ZBTB20: variants seen among roughly 807,000 people sequenced by gnomAD.
The protein encoded by ZBTB20 is zinc finger and BTB domain-containing protein 20.
In ZBTB20, 9 loss-of-function variants were observed where a neutral mutation model predicts 56.9. The ratio of observed to expected loss-of-function variants is 0.16; its 90% CI spans 0.10 to 0.28. The LOEUF is 0.28. Ranked by LOEUF, ZBTB20 falls within the 10% of genes least tolerant of loss-of-function variation. The pLI is 1.00. For synonymous variants in ZBTB20, 417 were observed against 420.7 expected (o/e 0.99, Z 0.11); for missense variants, 655 against 1,003.0 (o/e 0.65, Z 4.69).
At chr3:114,775,459 T>C (rs1255578537) in intron 5 of ZBTB20, among the ~76,000 whole-genome samples, 2 of 151,994 alleles carry the variant, frequency 1.3e-5, no homozygotes, top group African/African-American at 4.8e-5. Flanking sequence ...AAATGACTTC[T>C]GTTGCCTTAT....
chr3:114,698,748 G>A (rs976382440), intron 5 of ZBTB20, among the ~76,000 whole-genome samples: 10 of 152,150 alleles, frequency 6.6e-5, no homozygotes, highest in African/African-American at 2.2e-4. Flanking sequence ...TAGTCATCCA[G>A]TTGTCTTCTC....
chr3:114,928,723 T>C (rs1285550372), intron 3 of ZBTB20, among the ~76,000 whole-genome samples: 1 of 152,200 alleles, frequency 6.6e-6, no homozygotes, highest in Non-Finnish European at 1.5e-5. Context: ...TTGTGAATGG[T>C]AGGTTAAAAG....
rs1047844111 is a variant in ZBTB20 at position 114,328,126 on chromosome 3, T to C, written c.*10879A>G. The C allele has an allele frequency of 6.6e-6, 1 of 152,342 alleles. No individual in the cohort carries two copies. 9.4% of individuals were successfully genotyped at this position (152,342 alleles called of 1,614,324 possible). The stretch of plus-strand genomic sequence containing the variant: ...TTTATTTAAGTATATATTAAGTTTA[T>C]GTTTAGGCAATCTCTGGTTGCAAAA... On this transcript the variant is annotated 3_prime_UTR_variant, in exon 12 of 12. Transcript: ENST00000675478.
chr3:114,376,977 G>A (rs537662900), intron 10 of ZBTB20, among the ~76,000 whole-genome samples: 11 of 152,216 alleles, frequency 7.2e-5, no homozygotes, highest in Non-Finnish European at 1.3e-4. Flanking sequence ...TCTATCACAT[G>A]TATATGACTG....
chr3:114,889,025 G>C (rs1031654704), intron 4 of ZBTB20, among the ~76,000 whole-genome samples: 3 of 151,874 alleles, frequency 2.0e-5, no homozygotes, highest in African/African-American at 7.3e-5. Flanking sequence ...ATGAAATGTA[G>C]TGTAAAAAGT....
intron 7 of ZBTB20, among the ~76,000 whole-genome samples, chr3:114,483,924 C>T (rs1440649930): frequency 6.6e-6 from 1 of 151,510 alleles, no homozygotes; most frequent in African/African-American, 2.4e-5. Flanking sequence ...GTTCAAAGGA[C>T]CTTCTTAGTA....
intron 10 of ZBTB20, chr3:114,366,628 A>G (rs2082428846): frequency 6.6e-6 from 1 of 152,370 alleles, no homozygotes; most frequent in African/African-American, 2.4e-5. Context: ...CTTTCAATCT[A>G]ATCTGCAACT....
rs138681209 is a variant in ZBTB20, at chr3:114,738,193, T to C, written c.-342-44618A>G. 7.3e-3 allele frequency among the ~76,000 whole-genome samples: 1,112 copies of C among 152,186 alleles called. 5 individuals carry two copies. The highest frequency in any genetic ancestry group is 0.01 in the Non-Finnish European group (707 of 67,954). On this transcript the variant is annotated intron_variant, in intron 5 of 11. Transcript: ENST00000675478. The stretch of plus-strand genomic sequence containing the variant: ...TTCATCAAATTTGATATAAATATAC[T>C]AGATATGGTAAATATATTTATCATT...
Position 114,486,138 on chromosome 3 carries a change from G to GTGT in ZBTB20, c.-255+14213_-255+14214insACA, listed in dbSNP as rs1553726951. 2.5e-3 allele frequency among the ~76,000 whole-genome samples: 62 copies of GTGT among 25,294 alleles called. 7 individuals carry two copies. The highest frequency in any genetic ancestry group is 0.021 in the Middle Eastern group (1 of 48). 16.6% of individuals were successfully genotyped at this position (25,294 alleles called of 152,430 possible). On this transcript the variant is annotated intron_variant, in intron 7 of 11. Coordinates refer to ENST00000675478, the MANE Select transcript of ZBTB20 (RefSeq NM_001348800.3). ...AGTAAGAGTGTGTGTGTGTGTGTGT[G>GTGT]GGGGGGGGGGGCGGTGTATGAATTC...
chr3:114,896,221 A>G (rs679706), intron 4 of ZBTB20, among the ~76,000 whole-genome samples: 9,035 of 152,196 alleles, frequency 0.059, 921 homozygotes, highest in African/African-American at 0.21. Context: ...TGGAATTACC[A>G]TACAATCTAG....
At chr3:114,574,446 T>C (rs972205424) in intron 6 of ZBTB20, among the ~76,000 whole-genome samples, 1 of 152,250 alleles carries the variant, frequency 6.6e-6, no homozygotes, top group Non-Finnish European at 1.5e-5. Flanking sequence ...TTACCAGCAC[T>C]GAAAATTACT....
In ZBTB20 at chr3:114,351,496, T is replaced by G. The variant is rs1324504978; in HGVS notation, c.582A>C (p.Ser194=). The change falls in exon 11 of 12, where the codon TCA becomes TCC. Residue 194 remains serine, a synonymous_variant. Coordinates refer to ENST00000675478, the MANE Select transcript of ZBTB20 (RefSeq NM_001348800.3). ...CCGGGAACACATCGCCCACGTTCTG[T>G]GACACGATGCGCGTGCACTCGTCGA... ...TVIDECTRIV[S]QNVGDVFPGI... is the part of the protein sequence containing the mutation. 6.2e-7 allele frequency: 1 copy of G among 1,613,834 alleles called. No individual in the cohort carries two copies. Among genetic ancestry groups the G allele is most frequent in the Non-Finnish European group, 8.5e-7 (1 of 1,180,018 alleles).
intron 7 of ZBTB20, among the ~76,000 whole-genome samples, chr3:114,430,627 A>T (rs1576724758): frequency 6.6e-6 from 1 of 152,318 alleles, no homozygotes; most frequent in African/African-American, 2.4e-5. Flanking sequence ...GATGTAGAAA[A>T]TTCAAATCAC....
chr3:114,611,162 G>T lies in ZBTB20; in HGVS notation c.-295+82366C>A, dbSNP rs138970694. 5.0e-3 allele frequency among the ~76,000 whole-genome samples: 758 copies of T among 152,272 alleles called. 7 individuals carry two copies. The highest frequency in any genetic ancestry group is 0.017 in the African/African-American group (704 of 41,562). On this transcript the variant is annotated intron_variant, in intron 6 of 11. Coordinates refer to ENST00000675478, the MANE Select transcript of ZBTB20 (RefSeq NM_001348800.3). ...TCTCTGCTAGCATATGCTCTGCCCT[G>T]AGGTTTCTTTTTGGTGCTGATTTGG...
intron 4 of ZBTB20, among the ~76,000 whole-genome samples, chr3:114,892,071 G>C (rs1265520436): frequency 6.6e-6 from 1 of 151,948 alleles, no homozygotes; most frequent in Non-Finnish European, 1.5e-5. Context: ...ATCCAAATCT[G>C]TGTATTTCAA....
intron 2 of ZBTB20, among the ~76,000 whole-genome samples, chr3:115,070,989 G>GA (rs144121591): frequency 0.084 from 11,788 of 140,448 alleles, 553 homozygotes; most frequent in Admixed American, 0.17. Flanking sequence ...ATCCTTTTCT[G>GA]AAAAAAAAAA....
intron 6 of ZBTB20, among the ~76,000 whole-genome samples, chr3:114,649,085 C>A (rs2059996045): frequency 6.6e-6 from 1 of 151,966 alleles, no homozygotes; most frequent in Non-Finnish European, 1.5e-5. Context: ...TTAATTACCC[C>A]ACAGTTTAAT....
At chr3:114,476,796 A>G (rs570488856) in intron 7 of ZBTB20, among the ~76,000 whole-genome samples, 1 of 152,350 alleles carries the variant, frequency 6.6e-6, no homozygotes, top group East Asian at 1.9e-4. Context: ...GTCAAGCCAC[A>G]GCCATATGAT....
chr3:114,794,691 G>A (rs1388855167), intron 5 of ZBTB20, among the ~76,000 whole-genome samples: 2 of 151,854 alleles, frequency 1.3e-5, no homozygotes, highest in Non-Finnish European at 2.9e-5. Flanking sequence ...ATTGCAAAAG[G>A]GGATAATTTC....
Sources: allele counts gnomAD v4.1 joint callset (sites outside exome capture counted in the v4.1 genomes callset), GRCh38; gene constraint gnomAD v4.1.1; transcripts MANE v1.5; gene names NCBI Gene and HGNC (gene_info 2026-07-23, HGNC 2026-07-21).